Variants in DCDC2 observed in about 807,000 individuals in gnomAD.
The protein encoded by DCDC2 is doublecortin domain-containing protein 2.
A neutral mutation model predicts 50.2 loss-of-function variants in DCDC2; 40 were observed. The observed-to-expected ratio is 0.80, with a 90% CI of 0.62 to 1.04. The LOEUF is 1.04. Ranked by LOEUF, DCDC2 falls within the 50% of genes least tolerant of loss-of-function variation. The pLI, the probability that DCDC2 is intolerant of heterozygous loss-of-function variation, is 0.00. For missense variants in DCDC2, 570 were observed against 581.9 expected (o/e 0.98, Z 0.21); for synonymous variants, 234 against 210.6 (o/e 1.11, Z -0.96).
rs765345245 is a variant in DCDC2 at position 24,301,697 on chromosome 6, A to G, written c.557+18T>C. ...ACAATTCAAAAACTCCTCCACTTAC[A>G]AGATTGTTTTGACATACCTGTGAAC... On this transcript the variant is annotated intron_variant, in intron 4 of 9. Transcript: ENST00000378454. 1.8e-5 allele frequency: 29 copies of G among 1,611,564 alleles called. No homozygotes were observed. The South Asian group carries it at 3.1e-4, about 17-fold the overall frequency.
intron 7 of DCDC2, among the ~76,000 whole-genome samples, chr6:24,259,013 G>C (rs1383602088): frequency 6.6e-6 from 1 of 152,058 alleles, no homozygotes; most frequent in East Asian, 1.9e-4. Context: ...GTCTTTCCTC[G>C]AAATTCCTTT....
At chr6:24,320,037 T>A (rs1759743512) in intron 2 of DCDC2, among the ~76,000 whole-genome samples, 1 of 152,176 alleles carries the variant, frequency 6.6e-6, no homozygotes, top group Non-Finnish European at 1.5e-5. Flanking sequence ...GAAAACGGTA[T>A]TCTTACTATA....
At chr6:24,230,775 T>C (rs1043595019) in intron 7 of DCDC2, among the ~76,000 whole-genome samples, 2 of 152,238 alleles carry the variant, frequency 1.3e-5, no homozygotes, top group African/African-American at 4.8e-5. Context: ...GAAAAATTAC[T>C]AAGTATTAGG....
intron 4 of DCDC2, among the ~76,000 whole-genome samples, chr6:24,294,572 C>T (rs548122495): frequency 6.0e-4 from 91 of 151,614 alleles, no homozygotes; most frequent in Non-Finnish European, 1.0e-3. Context: ...CATAGGCCAC[C>T]GGCTGAATTA....
intron 8 of DCDC2, among the ~76,000 whole-genome samples, chr6:24,183,698 C>T (rs1761131957): frequency 6.6e-6 from 1 of 152,056 alleles, no homozygotes; most frequent in Admixed American, 6.6e-5. Context: ...GCCAAGGGCA[C>T]CCATCTGTGT....
At chr6:24,243,722 C>T (rs868184901) in intron 7 of DCDC2, among the ~76,000 whole-genome samples, 2 of 152,096 alleles carry the variant, frequency 1.3e-5, no homozygotes. Flanking sequence ...ATTGTGCCAA[C>T]CTTTGGAAAT....
chr6:24,357,246 C>G (rs1197347106), intron 1 of DCDC2: 1 of 503,930 alleles, frequency 2.0e-6, no homozygotes, highest in Non-Finnish European at 3.4e-6. Context: ...TAAGTTTACT[C>G]CTACTGCTGA....
At chr6:24,361,812 C>T (rs558023387), upstream of DCDC2, among the ~76,000 whole-genome samples, 1 of 152,278 alleles carries the variant, frequency 6.6e-6, no homozygotes, top group East Asian at 1.9e-4. Flanking sequence ...TGAAGCTGCC[C>T]GCATCAAGTC....
chr6:24,359,293 ATATTTTTT>A (rs1561789387), upstream of DCDC2, among the ~76,000 whole-genome samples: 29 of 51,568 alleles, frequency 5.6e-4, no homozygotes, highest in East Asian at 1.8e-3. Context: ...TATATATTTT[ATATTTTTT>A]ATATATATTA....
the DCDC2 span, among the ~76,000 whole-genome samples, chr6:24,363,357 A>C: frequency 0.98 from 149,396 of 152,138 alleles, 73,394 homozygotes; most frequent in East Asian, 1. Flanking sequence ...AAAAATTATC[A>C]GGGCATAGTG....
chr6:24,192,914 G>A (rs940033038), intron 8 of DCDC2, among the ~76,000 whole-genome samples: 1 of 151,766 alleles, frequency 6.6e-6, no homozygotes, highest in Non-Finnish European at 1.5e-5. Flanking sequence ...TGAGTATCCA[G>A]TCCAATAAGC....
At chr6:24,382,623 A>G in the DCDC2 span, among the ~76,000 whole-genome samples, 1 of 152,238 alleles carries the variant, frequency 6.6e-6, no homozygotes, top group Non-Finnish European at 1.5e-5. Context: ...TGAGCAATAG[A>G]ACAATGAAAT....
chr6:24,281,139 G>C (rs1371739907), intron 6 of DCDC2, among the ~76,000 whole-genome samples: 2 of 151,954 alleles, frequency 1.3e-5, no homozygotes, highest in Admixed American at 1.3e-4. Flanking sequence ...TTCTGATAAA[G>C]ACACTCGAAA....
chr6:24,323,707 C>G (rs544550957), intron 2 of DCDC2, among the ~76,000 whole-genome samples: 5 of 152,178 alleles, frequency 3.3e-5, no homozygotes, highest in Admixed American at 2.0e-4. Context: ...TATGTACTTA[C>G]AGTGTGATAA....
intron 8 of DCDC2, 80 bp downstream of exon 8, chr6:24,204,922 A>T: frequency 7.4e-7 from 1 of 1,342,952 alleles, no homozygotes. Flanking sequence ...GTATAGGAAC[A>T]ATTTGTAGGA....
Position 24,344,137 on chromosome 6 carries a change from C to T in DCDC2, c.348+9432G>A, listed in dbSNP as rs572949702. ...TTCCCCACCCTGTCCTCATCCCAAG[C>T]GCCAGTAACCACCATTTTTTTTTCT... On this transcript the variant is annotated intron_variant, in intron 2 of 9. Transcript: ENST00000378454. Among the ~76,000 whole-genome samples, 13 of 152,224 alleles carry T rather than the reference C, an allele frequency of 8.5e-5. No individual in the cohort carries two copies. The East Asian group carries it at 1.9e-3, about 23-fold the overall frequency.
chr6:24,359,206 TTTATATA>T (rs1381179667), upstream of DCDC2, among the ~76,000 whole-genome samples: 2 of 76,230 alleles, frequency 2.6e-5, no homozygotes, highest in Admixed American at 2.5e-4. Context: ...TTATATATAT[TTTATATA>T]TTATATATTT....
At chr6:24,310,510 TC>T (rs1268490565) in intron 2 of DCDC2, among the ~76,000 whole-genome samples, 3 of 152,264 alleles carry the variant, frequency 2.0e-5, no homozygotes, top group East Asian at 3.9e-4. Flanking sequence ...TGTTGGTATT[TC>T]CCCCCAAGAA....
intron 7 of DCDC2, among the ~76,000 whole-genome samples, chr6:24,249,478 T>C (rs1007941608): frequency 1.3e-5 from 2 of 152,226 alleles, no homozygotes; most frequent in African/African-American, 4.8e-5. Context: ...TGTGCTGCTA[T>C]GATATACAGT....
Sources: allele counts gnomAD v4.1 joint callset (sites outside exome capture counted in the v4.1 genomes callset), GRCh38; gene constraint gnomAD v4.1.1; transcripts MANE v1.5; gene names NCBI Gene and HGNC (gene_info 2026-07-23, HGNC 2026-07-21).